Variants in SLC38A9 observed in about 807,000 individuals in gnomAD.
SLC38A9 encodes the protein neutral amino acid transporter 9.
Under a neutral mutation model 62.3 loss-of-function variants are expected in SLC38A9, and 48 were observed. The ratio of observed to expected loss-of-function variants is 0.77; its 90% CI spans 0.61 to 0.98. SLC38A9 has a LOEUF of 0.98. Among genes scored for constraint, SLC38A9 ranks in the 50% least tolerant of loss-of-function variants. SLC38A9 has a pLI of 0.00. For synonymous variants in SLC38A9, 204 were observed against 227.7 expected (o/e 0.90, Z 0.94); for missense variants, 541 against 679.8 (o/e 0.80, Z 2.27).
At chr5:55,640,106 C>T (rs1022611626) in intron 12 of SLC38A9, among the ~76,000 whole-genome samples, 5 of 151,568 alleles carry the variant, frequency 3.3e-5, no homozygotes, top group African/African-American at 1.2e-4. Flanking sequence ...CTGTCTCAGC[C>T]TCCCAAGTAG....
At chr5:55,665,417 C>T (rs543618846) in intron 7 of SLC38A9, among the ~76,000 whole-genome samples, 32 of 151,462 alleles carry the variant, frequency 2.1e-4, no homozygotes, top group Non-Finnish European at 4.0e-4. Flanking sequence ...GGCATAGTGG[C>T]GCGCCTGTAG....
chr5:55,689,281 A>T (rs1754395842), intron 3 of SLC38A9, among the ~76,000 whole-genome samples: 1 of 152,234 alleles, frequency 6.6e-6, no homozygotes, highest in Admixed American at 6.5e-5. Context: ...AAAGCTATGT[A>T]ATAGACTTCG....
At chr5:55,687,245 G>A (rs1031707189) in intron 3 of SLC38A9, among the ~76,000 whole-genome samples, 3 of 150,262 alleles carry the variant, frequency 2.0e-5, no homozygotes, top group Admixed American at 6.6e-5. Flanking sequence ...CGAGACCACG[G>A]TGAAACCCCG....
At chr5:55,684,749 G>A (rs1753516288) in intron 3 of SLC38A9, among the ~76,000 whole-genome samples, 1 of 152,170 alleles carries the variant, frequency 6.6e-6, no homozygotes, top group African/African-American at 2.4e-5. Context: ...TACCTCCTGG[G>A]TTCAAGCGAT....
chr5:55,669,304 TC>T lies in SLC38A9; in HGVS notation c.449del (p.Gly150GlufsTer7). On this transcript the variant is annotated frameshift_variant, in exon 7 of 16. Transcript: ENST00000396865. LOFTEE classifies it high-confidence loss of function. Reference protein sequence around the residue: ...WGIKQAGFTTGMCVIILMGLL... With the variant: ...WGIKQAGFTTXMCVIILMGLL... ...GGCCCATCAGTATGATGACACACAT[TC>T]CAGTAGTAAATCCAGCCTGTTTAAA... 1 of 1,612,568 alleles carries T rather than the reference TC, an allele frequency of 6.2e-7. No individual in the cohort carries two copies. The highest frequency in any genetic ancestry group is 8.5e-7 in the Non-Finnish European group (1 of 1,179,462).
chr5:55,669,964 G>C, intron 4 of SLC38A9, 85 bp from the exon 5 acceptor site: 1 of 1,312,096 alleles, frequency 7.6e-7, no homozygotes, highest in South Asian at 1.6e-5. Flanking sequence ...CCTGACTCTA[G>C]ACACCTTTTT....
intron 14 of SLC38A9, among the ~76,000 whole-genome samples, chr5:55,628,772 T>C (rs1251753281): frequency 6.6e-6 from 1 of 152,188 alleles, no homozygotes; most frequent in African/African-American, 2.4e-5. Flanking sequence ...CTAAATACTT[T>C]AACTAGATAT....
chr5:55,692,893 A>AT, intron 3 of SLC38A9: 1 of 978,834 alleles, frequency 1.0e-6, no homozygotes. Flanking sequence ...GTCTTATTTC[A>AT]TTATCTTTTC....
intron 12 of SLC38A9, among the ~76,000 whole-genome samples, chr5:55,644,907 C>T (rs930958980): frequency 6.6e-6 from 1 of 151,908 alleles, no homozygotes; most frequent in African/African-American, 2.4e-5. Flanking sequence ...GTGATGTTCC[C>T]CTTCCTGTGT....
intron 11 of SLC38A9, among the ~76,000 whole-genome samples, chr5:55,646,684 A>G (rs1746422071): frequency 6.6e-6 from 1 of 152,198 alleles, no homozygotes; most frequent in Non-Finnish European, 1.5e-5. Context: ...ATCAAAAATT[A>G]TGTTGTGGAG....
Position 55,652,080 on chromosome 5 carries a change from C to T in SLC38A9, c.952+449G>A, listed in dbSNP as rs377010081. Among the ~76,000 whole-genome samples the T allele has an allele frequency of 1.8e-4, 27 of 150,952 alleles. No homozygotes were observed. In the South Asian group the frequency reaches 1.9e-3, roughly 11 times the overall value. ...GTTATCATAAGAATGAACAAATTGCCGGGCGTGCTGGCTCACACCTGTAAT... is the reference window on the plus strand; with the variant it reads ...GTTATCATAAGAATGAACAAATTGCTGGGCGTGCTGGCTCACACCTGTAAT... On this transcript the variant is annotated intron_variant, in intron 10 of 15. Coordinates refer to ENST00000396865, the MANE Select transcript of SLC38A9 (RefSeq NM_173514.4).
intron 4 of SLC38A9, 69 bp downstream of exon 4, chr5:55,672,494 C>T: frequency 1.3e-6 from 2 of 1,543,186 alleles, no homozygotes; most frequent in Middle Eastern, 1.8e-4. Flanking sequence ...CTGGGAGGTG[C>T]CCTGGCTTAT....
At chr5:55,676,236 C>G (rs2150384952) in intron 3 of SLC38A9, among the ~76,000 whole-genome samples, 1 of 152,320 alleles carries the variant, frequency 6.6e-6, no homozygotes, top group East Asian at 1.9e-4. Context: ...GTGGCATTAA[C>G]ATGGCTTACT....
At chr5:55,684,428 T>C (rs1753460126) in intron 3 of SLC38A9, among the ~76,000 whole-genome samples, 1 of 152,240 alleles carries the variant, frequency 6.6e-6, no homozygotes, top group Non-Finnish European at 1.5e-5. Flanking sequence ...CAATCCTAGA[T>C]CACCTTAATC....
intron 10 of SLC38A9, among the ~76,000 whole-genome samples, chr5:55,651,451 T>C (rs923658304): frequency 7.9e-5 from 12 of 152,068 alleles, no homozygotes; most frequent in Non-Finnish European, 1.0e-4. Flanking sequence ...GGTTTCACCA[T>C]CTTGGCCAAG....
chr5:55,640,551 G>T lies in SLC38A9; in HGVS notation c.1168-4894C>A, dbSNP rs749478168. On this transcript the variant is annotated intron_variant, in intron 12 of 15. Coordinates refer to ENST00000396865, the MANE Select transcript of SLC38A9 (RefSeq NM_173514.4). The stretch of plus-strand genomic sequence containing the variant: ...AACGCCCATCTCAGTCCAGCCCTGA[G>T]CTTCTCACAATGGGGCGTATACATC... 8.0e-4 allele frequency among the ~76,000 whole-genome samples: 122 copies of T among 152,278 alleles called. 1 individual carries two copies. Among genetic ancestry groups the T allele is most frequent in the Non-Finnish European group, 1.4e-3 (98 of 68,012 alleles).
chr5:55,652,770 C>CA (rs11424790), intron 9 of SLC38A9, 47 bp from the exon 10 acceptor site: 922,841 of 1,494,590 alleles, frequency 0.62, 291,028 homozygotes, highest in Non-Finnish European at 0.64. Context: ...AAAAACAAAA[C>CA]AAAACAAAAC....
intron 3 of SLC38A9, among the ~76,000 whole-genome samples, chr5:55,683,286 G>A (rs982951832): frequency 1.3e-5 from 2 of 152,080 alleles, no homozygotes; most frequent in African/African-American, 2.4e-5. Flanking sequence ...TCACAGGCAC[G>A]ATCATAGTGC....
At chr5:55,677,111 C>T (rs189091640) in intron 3 of SLC38A9, among the ~76,000 whole-genome samples, 1 of 152,218 alleles carries the variant, frequency 6.6e-6, no homozygotes, top group East Asian at 1.9e-4. Flanking sequence ...CTACCAGTGT[C>T]TAGGTATTTA....
Sources: allele counts gnomAD v4.1 joint callset (sites outside exome capture counted in the v4.1 genomes callset), GRCh38; gene constraint gnomAD v4.1.1; transcripts MANE v1.5; gene names NCBI Gene and HGNC (gene_info 2026-07-23, HGNC 2026-07-21).